Variants in MAP2K4 observed in about 807,000 individuals in gnomAD.
MAP2K4 encodes dual specificity mitogen-activated protein kinase kinase 4.
Under a neutral mutation model 48.5 loss-of-function variants are expected in MAP2K4, and 4 were observed. The ratio of observed to expected loss-of-function variants is 0.08; its 90% CI spans 0.04 to 0.19. MAP2K4 has a LOEUF of 0.19. MAP2K4 is among the 10% of genes least tolerant of loss of function. The probability of loss-of-function intolerance (pLI) is 1.00; values close to 1 mark genes in which losing one functional copy is unlikely to be tolerated. For synonymous variants in MAP2K4, 166 were observed against 173.1 expected (o/e 0.96, Z 0.32); for missense variants, 258 against 493.3 (o/e 0.52, Z 4.52).
chr17:12,029,696 T>C (rs1233823817), intron 1 of MAP2K4, among the ~76,000 whole-genome samples: 5 of 152,058 alleles, frequency 3.3e-5, no homozygotes, highest in Non-Finnish European at 7.4e-5. Flanking sequence ...CCCATAACTT[T>C]GGGAGGCTGA....
chr17:12,125,794 A>G (rs565781255), intron 8 of MAP2K4, among the ~76,000 whole-genome samples: 1 of 152,340 alleles, frequency 6.6e-6, no homozygotes, highest in Non-Finnish European at 1.5e-5. Context: ...GTATTTTTAT[A>G]TGTGGAAAAT....
chr17:12,028,007 T>A (rs1969316025), intron 1 of MAP2K4, among the ~76,000 whole-genome samples: 1 of 152,142 alleles, frequency 6.6e-6, no homozygotes, highest in South Asian at 2.1e-4. Flanking sequence ...TAGTCCAGGC[T>A]TTTGGTTGGA....
chr17:12,098,181 G>A (rs1174978105), intron 4 of MAP2K4, among the ~76,000 whole-genome samples: 1 of 151,982 alleles, frequency 6.6e-6, no homozygotes, highest in Non-Finnish European at 1.5e-5. Context: ...AGTTACAAAG[G>A]TTAAAAATAT....
chr17:12,062,064 C>T (rs569345405), intron 2 of MAP2K4, among the ~76,000 whole-genome samples: 1 of 146,890 alleles, frequency 6.8e-6, no homozygotes, highest in African/African-American at 2.5e-5. Context: ...CCCTCTCCCC[C>T]CCCTTTTTTT....
chr17:12,072,069 C>G (rs1970833316), intron 2 of MAP2K4, among the ~76,000 whole-genome samples: 1 of 152,144 alleles, frequency 6.6e-6, no homozygotes, highest in Non-Finnish European at 1.5e-5. Flanking sequence ...CAGAGAAAAG[C>G]CACCTTATAT....
intron 2 of MAP2K4, among the ~76,000 whole-genome samples, chr17:12,065,298 T>G (rs1269808373): frequency 7.9e-6 from 1 of 126,498 alleles, no homozygotes; most frequent in Non-Finnish European, 1.8e-5. Flanking sequence ...TTATTGGTGT[T>G]TGTTGTTTTT....
At chr17:12,030,547 T>A (rs950154908) in intron 1 of MAP2K4, among the ~76,000 whole-genome samples, 1 of 152,210 alleles carries the variant, frequency 6.6e-6, no homozygotes, top group African/African-American at 2.4e-5. Context: ...AACTGGCGCT[T>A]AGCTTTTAAT....
rs891745785 is a variant in MAP2K4, at chr17:12,031,236, A to G, written c.115+10235A>G. ...TGCACCAAAGACACTTTTCATGTCA[A>G]AGTAGCTACATTAGCATTTTTCAGT... On this transcript the variant is annotated intron_variant, in intron 1 of 10. Transcript: ENST00000353533. Among the ~76,000 whole-genome samples, 28 of 152,226 alleles carry G rather than the reference A, an allele frequency of 1.8e-4. 1 individual carries two copies.
intron 8 of MAP2K4, among the ~76,000 whole-genome samples, chr17:12,128,021 T>C (rs949889674): frequency 6.6e-6 from 1 of 152,222 alleles, no homozygotes; most frequent in African/African-American, 2.4e-5. Flanking sequence ...ATGGGATTCA[T>C]TATGCCATGG....
At chr17:12,054,512 C>G (rs997544306) in intron 1 of MAP2K4, among the ~76,000 whole-genome samples, 1 of 152,060 alleles carries the variant, frequency 6.6e-6, no homozygotes, top group Admixed American at 6.5e-5. Flanking sequence ...ATTTATTAAA[C>G]TGAGGGCATT....
intron 9 of MAP2K4, among the ~76,000 whole-genome samples, chr17:12,130,012 A>G (rs1972974177): frequency 6.6e-6 from 1 of 152,310 alleles, no homozygotes; most frequent in South Asian, 2.1e-4. Context: ...TGTTTATCCA[A>G]CATGATTTAA....
At chr17:12,127,774 GA>G (rs1483352090) in intron 8 of MAP2K4, among the ~76,000 whole-genome samples, 1 of 152,128 alleles carries the variant, frequency 6.6e-6, no homozygotes, top group Non-Finnish European at 1.5e-5. Flanking sequence ...AATTTTAACA[GA>G]AAGAAACTTC....
At chr17:12,124,792 C>CAG (rs1972800845) in intron 7 of MAP2K4, 1 of 154,468 alleles carries the variant, frequency 6.5e-6, no homozygotes, top group African/African-American at 2.4e-5. Context: ...TCTCCTGCCT[C>CAG]AGCCTCCTGA....
At chr17:12,076,923 T>C (rs1971031685) in intron 2 of MAP2K4, among the ~76,000 whole-genome samples, 1 of 152,110 alleles carries the variant, frequency 6.6e-6, no homozygotes, top group Non-Finnish European at 1.5e-5. Flanking sequence ...TATTCATGTG[T>C]TTTTTGCAGG....
In MAP2K4 at chr17:12,142,315, A is replaced by T. The variant is rs1973397818; in HGVS notation, c.*1055A>T. The T allele has an allele frequency of 1.7e-5, 4 of 233,284 alleles. No individual in the cohort carries two copies. In the Admixed American group the frequency reaches 2.3e-4, roughly 13 times the overall value. The allele number at this position is 233,284 out of a possible 1,614,324, so 14.5% of individuals were successfully genotyped here. The stretch of plus-strand genomic sequence containing the variant: ...AGTAGGCAGCAAAAGACCAAATCTC[A>T]GTTGTTTGCTTCTTGCCATCACTGG... On this transcript the variant is annotated 3_prime_UTR_variant, in exon 11 of 11. Transcript: ENST00000353533.
chr17:12,138,976 G>A (rs758221827), intron 9 of MAP2K4, among the ~76,000 whole-genome samples: 17 of 152,138 alleles, frequency 1.1e-4, no homozygotes, highest in Non-Finnish European at 2.5e-4. Context: ...GTTGTCTGCT[G>A]GCGGCTTGCC....
intron 2 of MAP2K4, among the ~76,000 whole-genome samples, chr17:12,065,284 A>G (rs1349782484): frequency 7.0e-6 from 1 of 142,792 alleles, no homozygotes; most frequent in African/African-American, 2.5e-5. Flanking sequence ...TATTATTATT[A>G]TTATTATTGG....
intron 2 of MAP2K4, chr17:12,069,664 C>A: frequency 1.0e-6 from 1 of 1,000,044 alleles, no homozygotes; most frequent in Non-Finnish European, 1.2e-6. Context: ...TCTTAGATCA[C>A]AGCAAAGATA....
At chr17:12,059,616 C>T (rs551415781) in intron 2 of MAP2K4, among the ~76,000 whole-genome samples, 38 of 152,242 alleles carry the variant, frequency 2.5e-4, no homozygotes, top group Non-Finnish European at 4.6e-4. Flanking sequence ...TGGAACCACA[C>T]GTTTTAAGTT....
Sources: gnomAD v4.1 joint callset for allele counts (sites outside exome capture counted in the v4.1 genomes callset) on GRCh38, gnomAD v4.1.1 for gene constraint, MANE v1.5 for transcripts, NCBI Gene and HGNC (gene_info 2026-07-23, HGNC 2026-07-21) for gene names.